Variants in FOXN3 observed in about 807,000 individuals in gnomAD.
FOXN3 encodes the protein forkhead box N3.
In FOXN3, 7 loss-of-function variants were observed where a neutral mutation model predicts 38.4. The ratio of observed to expected loss-of-function variants is 0.18; its 90% CI spans 0.10 to 0.34. The LOEUF (loss-of-function observed/expected upper bound fraction) is 0.34, where lower values mean the gene tolerates loss of function less well. Ranked by LOEUF, FOXN3 falls within the 10% of genes least tolerant of loss-of-function variation. The pLI, the probability that FOXN3 is intolerant of heterozygous loss-of-function variation, is 1.00. For synonymous variants in FOXN3, 230 were observed against 242.2 expected (o/e 0.95, Z 0.47); for missense variants, 456 against 613.4 (o/e 0.74, Z 2.71).
chr14:89,547,695 C>T (rs1894913787), intron 1 of FOXN3, among the ~76,000 whole-genome samples: 1 of 152,082 alleles, frequency 6.6e-6, no homozygotes, highest in South Asian at 2.1e-4. Flanking sequence ...GCCCATCTCC[C>T]CAACGGACTG....
At chr14:89,169,508 T>TACAAAC (rs1887330976) in intron 5 of FOXN3, among the ~76,000 whole-genome samples, 1 of 150,130 alleles carries the variant, frequency 6.7e-6, no homozygotes, top group African/African-American at 2.5e-5. Context: ...ACTAAGTGGT[T>TACAAAC]ACACACACAC....
intron 2 of FOXN3, among the ~76,000 whole-genome samples, chr14:89,363,655 G>A (rs1218575946): frequency 6.6e-6 from 1 of 152,192 alleles, no homozygotes. Flanking sequence ...GCATGGGAAA[G>A]GCAGTTAATC....
intron 1 of FOXN3, among the ~76,000 whole-genome samples, chr14:89,503,523 C>T (rs751570561): frequency 2.6e-5 from 4 of 152,198 alleles, no homozygotes; most frequent in Non-Finnish European, 4.4e-5. Context: ...TAGCCATATG[C>T]TACTGGTGCA....
At chr14:89,590,088 G>A (rs1895919809) in intron 1 of FOXN3, among the ~76,000 whole-genome samples, 1 of 152,092 alleles carries the variant, frequency 6.6e-6, no homozygotes, top group South Asian at 2.1e-4. Flanking sequence ...GCACCAAGTC[G>A]ATGTTACCAT....
At chr14:89,218,462 G>A (rs1033415960) in intron 4 of FOXN3, among the ~76,000 whole-genome samples, 3 of 152,170 alleles carry the variant, frequency 2.0e-5, no homozygotes, top group Non-Finnish European at 4.4e-5. Context: ...TTTCTATGAA[G>A]ATGAGCATCT....
At chr14:89,598,183 T>G (rs1006947901) in intron 1 of FOXN3, among the ~76,000 whole-genome samples, 2 of 152,190 alleles carry the variant, frequency 1.3e-5, no homozygotes, top group Non-Finnish European at 2.9e-5. Flanking sequence ...ATGATTTAAC[T>G]TCATTAACTT....
At chr14:89,337,684 C>A (rs1047783903) in intron 3 of FOXN3, among the ~76,000 whole-genome samples, 2 of 149,120 alleles carry the variant, frequency 1.3e-5, no homozygotes, top group African/African-American at 2.5e-5. Flanking sequence ...GGCTAGAGTG[C>A]AGTGGCACAA....
chr14:89,235,179 G>A (rs1305399660), intron 4 of FOXN3, among the ~76,000 whole-genome samples: 1 of 152,210 alleles, frequency 6.6e-6, no homozygotes, highest in Non-Finnish European at 1.5e-5. Context: ...AGAACAGAAT[G>A]GAGAGTAATG....
intron 2 of FOXN3, among the ~76,000 whole-genome samples, chr14:89,365,363 CG>C (rs1196902182): frequency 6.6e-6 from 1 of 152,134 alleles, no homozygotes; most frequent in African/African-American, 2.4e-5. Context: ...ACGCTAACAA[CG>C]ATCAATCATA....
chr14:89,615,053 G>A (rs1421857495), intron 1 of FOXN3, among the ~76,000 whole-genome samples: 2 of 146,912 alleles, frequency 1.4e-5, no homozygotes, highest in Non-Finnish European at 3.0e-5. Context: ...TCCTTTCAAA[G>A]TTAAAATTTG....
intron 4 of FOXN3, among the ~76,000 whole-genome samples, chr14:89,238,731 G>A (rs1885051853): frequency 6.6e-6 from 1 of 152,168 alleles, no homozygotes; most frequent in African/African-American, 2.4e-5. Context: ...AAAATACTGG[G>A]TGCCTTTCAG....
At chr14:89,382,434 C>G (rs1309426979) in intron 2 of FOXN3, among the ~76,000 whole-genome samples, 3 of 152,186 alleles carry the variant, frequency 2.0e-5, no homozygotes, top group African/African-American at 7.2e-5. Context: ...CAACATGGCA[C>G]CTTCCTATCT....
intron 2 of FOXN3, among the ~76,000 whole-genome samples, chr14:89,397,876 A>G (rs1891141134): frequency 6.6e-6 from 1 of 152,198 alleles, no homozygotes; most frequent in Non-Finnish European, 1.5e-5. Context: ...GACTCCAAAC[A>G]GCACCCAGCA....
At chr14:89,557,307 T>A (rs911160923) in intron 1 of FOXN3, among the ~76,000 whole-genome samples, 2 of 152,120 alleles carry the variant, frequency 1.3e-5, no homozygotes, top group African/African-American at 4.8e-5. Context: ...CAATTCCCAC[T>A]CTTATTGGGG....
intron 4 of FOXN3, among the ~76,000 whole-genome samples, chr14:89,203,755 T>C (rs941374774): frequency 1.3e-5 from 2 of 152,134 alleles, no homozygotes; most frequent in Admixed American, 6.5e-5. Context: ...CCAGGGCTCC[T>C]TACTTTAAGC....
At chr14:89,550,795 C>G (rs561184909) in intron 1 of FOXN3, among the ~76,000 whole-genome samples, 74 of 152,298 alleles carry the variant, frequency 4.9e-4, no homozygotes, top group African/African-American at 1.7e-3. Context: ...GACTCTTCCC[C>G]AGAAGTAAAG....
chr14:89,534,546 A>C (rs1377915235), intron 1 of FOXN3, among the ~76,000 whole-genome samples: 1 of 152,158 alleles, frequency 6.6e-6, no homozygotes, highest in Non-Finnish European at 1.5e-5. Flanking sequence ...GGTGCATGCA[A>C]TCTTCCAACC....
chr14:89,408,017 C>CT (rs1179139499), intron 2 of FOXN3, among the ~76,000 whole-genome samples: 1 of 152,176 alleles, frequency 6.6e-6, no homozygotes, highest in Non-Finnish European at 1.5e-5. Context: ...AAATAAAACT[C>CT]TTATCTTCTG....
chr14:89,246,542 CTTTT>C (rs755916666), intron 4 of FOXN3, among the ~76,000 whole-genome samples: 2 of 83,984 alleles, frequency 2.4e-5, no homozygotes, highest in African/African-American at 4.8e-5. Context: ...CAGGATGCGG[CTTTT>C]TTTTTTTTTT....
Sources: allele counts gnomAD v4.1 joint callset (sites outside exome capture counted in the v4.1 genomes callset), GRCh38; gene constraint gnomAD v4.1.1; transcripts MANE v1.5; gene names NCBI Gene and HGNC (gene_info 2026-07-23, HGNC 2026-07-21).